CPNE6: variants seen among roughly 807,000 people sequenced by gnomAD.
CPNE6 encodes the protein copine 6.
A neutral mutation model predicts 71.5 loss-of-function variants in CPNE6; 33 were observed. That is an observed-to-expected ratio of 0.46 (90% CI 0.35 to 0.62). CPNE6 has a LOEUF of 0.62. CPNE6 is among the 20% of genes least tolerant of loss of function. The probability of loss-of-function intolerance (pLI) is 0.00; values close to 1 mark genes in which losing one functional copy is unlikely to be tolerated. For synonymous variants in CPNE6, 296 were observed against 293.0 expected (o/e 1.01, Z -0.10); for missense variants, 576 against 747.3 (o/e 0.77, Z 2.67).
Position 24,073,234 on chromosome 14 carries a change from G to C in CPNE6, c.168+130G>C, listed in dbSNP as rs1414898435. ...GCGGCGCCTTCTCGAGGCCGCTTGGGTACCCTGGAGATGGTGTCCCAGAGG... is the reference window on the plus strand; with the variant it reads ...GCGGCGCCTTCTCGAGGCCGCTTGGCTACCCTGGAGATGGTGTCCCAGAGG... On this transcript the variant is annotated intron_variant, in intron 3 of 17. Transcript: ENST00000397016. This position sits in a 1 kb window ranked among gnomAD's most constrained non-coding sequence, Gnocchi z 5.5. 1 of 1,085,606 alleles carries C rather than the reference G, an allele frequency of 9.2e-7. No homozygotes were observed. The highest frequency in any genetic ancestry group is 3.0e-5 in the East Asian group (1 of 33,742). 67.2% of individuals were successfully genotyped at this position (1,085,606 alleles called of 1,614,324 possible).
In CPNE6 at chr14:24,077,747, C is replaced by T. The variant is rs1474586204; in HGVS notation, c.*17C>T. 32 of 1,513,154 alleles carry T rather than the reference C, an allele frequency of 2.1e-5. No individual in the cohort carries two copies. The highest frequency in any genetic ancestry group is 1.8e-4 in the Middle Eastern group (1 of 5,552). 93.7% of individuals were successfully genotyped at this position (1,513,154 alleles called of 1,614,324 possible). On this transcript the variant is annotated 3_prime_UTR_variant, in exon 17 of 18. Transcript: ENST00000397016. The surrounding 1 kb of genome is among the most constrained non-coding windows in gnomAD (Gnocchi z 6.1). Reference sequence around the variant, plus strand: ...AGCCCGTGACTGCCTCCCTCCGGACCGACACTCCCTCAGCCTCTCAGTGAG... The same window carrying T: ...AGCCCGTGACTGCCTCCCTCCGGACTGACACTCCCTCAGCCTCTCAGTGAG...
chr14:24,073,773 G>A lies in CPNE6; in HGVS notation c.348+95G>A. The A allele has an allele frequency of 7.4e-7, 1 of 1,348,184 alleles. No individual in the cohort carries two copies. Among genetic ancestry groups the A allele is most frequent in the South Asian group, 1.4e-5 (1 of 70,962 alleles). The allele number at this position is 1,348,184 out of a possible 1,614,324, so 83.5% of individuals were successfully genotyped here. A position where few individuals can be genotyped will look rare whatever the true frequency, so the allele number is the denominator to read the frequency against. On this transcript the variant is annotated intron_variant, in intron 4 of 17. Coordinates refer to ENST00000397016, the Ensembl canonical transcript of CPNE6. The surrounding 1 kb of genome is among the most constrained non-coding windows in gnomAD (Gnocchi z 5.5). Reference sequence around the variant, plus strand: ...AGAGAAAACATGAGCTCTAGAGCTAGTTCAACCCAGCCTTGGCTCCCATCT... The same window carrying A: ...AGAGAAAACATGAGCTCTAGAGCTAATTCAACCCAGCCTTGGCTCCCATCT...
Position 24,073,794 on chromosome 14 carries a change from C to A in CPNE6, c.348+116C>A. 1.8e-6 allele frequency: 2 copies of A among 1,100,724 alleles called. No homozygotes were observed. Among genetic ancestry groups the A allele is most frequent in the East Asian group, 2.5e-5 (1 of 39,792 alleles). The allele number at this position is 1,100,724 out of a possible 1,614,324, so 68.2% of individuals were successfully genotyped here. ...GCTAGTTCAACCCAGCCTTGGCTCC[C>A]ATCTCTGCCATTCACTAGCTGTGCA... is the stretch of plus-strand genomic sequence containing the variant. On this transcript the variant is annotated intron_variant, in intron 4 of 17. Transcript: ENST00000397016. The surrounding 1 kb of genome is among the most constrained non-coding windows in gnomAD (Gnocchi z 5.5).
chr14:24,076,229 C>T, exon 12 of CPNE6: 1 of 1,614,226 alleles, frequency 6.2e-7, no homozygotes, highest in African/African-American at 1.3e-5. Context: ...GACAGCCCAA[C>T]CACTACCTGC....
rs1301034740 is a variant in CPNE6 at position 24,075,572 on chromosome 14, T to C, written c.845T>C (p.Val282Ala). 2 of 1,611,874 alleles carry C rather than the reference T, an allele frequency of 1.2e-6. No homozygotes were observed. The highest frequency in any genetic ancestry group is 2.2e-5 in the East Asian group (1 of 44,848). ...AAGAATTACAAGAGCTCAGGGACGGTAGTGCTGGCCCAGTGCACGGTAAAT... is the reference window on the plus strand; with the variant it reads ...AAGAATTACAAGAGCTCAGGGACGGCAGTGCTGGCCCAGTGCACGGTAAAT... The change falls in exon 10 of 18, where the codon GTA becomes GCA. Residue 282 changes from valine (V) to alanine (A), a missense_variant. Val to Ala is a moderately conservative substitution (Grantham distance 64). Around this residue, in one of 4 missense-constraint regions of CPNE6, gnomAD observed 214 missense variants for 291.2 expected, o/e 0.73. Coordinates refer to ENST00000397016, the Ensembl canonical transcript of CPNE6. The surrounding 1 kb of genome is among the most constrained non-coding windows in gnomAD (Gnocchi z 4.3).
intron 2 of CPNE6, chr14:24,072,714 G>C (rs2035938404): frequency 2.4e-6 from 1 of 413,030 alleles, no homozygotes; most frequent in African/African-American, 2.1e-5. Flanking sequence ...CGCATACCTA[G>C]GCCAGCAGCA....
Position 24,075,575 on chromosome 14 carries a change from T to C in CPNE6, c.848T>C (p.Val283Ala). Reference sequence around the variant, plus strand: ...AATTACAAGAGCTCAGGGACGGTAGTGCTGGCCCAGTGCACGGTAAATTTC... The same window carrying C: ...AATTACAAGAGCTCAGGGACGGTAGCGCTGGCCCAGTGCACGGTAAATTTC... Residue 283 changes from valine to alanine, a missense_variant, in exon 10 of 18, where the codon GTG (valine) becomes GCG (alanine). Coordinates refer to ENST00000397016, the Ensembl canonical transcript of CPNE6. This position sits in a 1 kb window ranked among gnomAD's most constrained non-coding sequence, Gnocchi z 4.3. 1 of 1,610,076 alleles carries C rather than the reference T, an allele frequency of 6.2e-7. No homozygotes were observed. The highest frequency in any genetic ancestry group is 8.5e-7 in the Non-Finnish European group (1 of 1,177,518).
rs778144831 is a variant in CPNE6 at position 24,075,126 on chromosome 14, G to A, written c.673-46G>A. 16 of 1,384,828 alleles carry A rather than the reference G, an allele frequency of 1.2e-5. No individual in the cohort carries two copies. The highest frequency in any genetic ancestry group is 4.6e-5 in the South Asian group (4 of 86,340). 85.8% of individuals were successfully genotyped at this position (1,384,828 alleles called of 1,614,324 possible). On this transcript the variant is annotated intron_variant, in intron 8 of 17. Transcript: ENST00000397016. This position sits in a 1 kb window ranked among gnomAD's most constrained non-coding sequence, Gnocchi z 4.3. ...AGTCCCCCTACTCACCGTGAATACC[G>A]CAGAGCATCTCCAACCTGACCCCAC... is the stretch of plus-strand genomic sequence containing the variant.
rs2036027515 is a variant in CPNE6, at chr14:24,075,383, A to G, written c.777+107A>G. 1 of 1,387,626 alleles carries G rather than the reference A, an allele frequency of 7.2e-7. No individual in the cohort carries two copies. The highest frequency in any genetic ancestry group is 1.0e-6 in the Non-Finnish European group (1 of 977,276). 86.0% of individuals were successfully genotyped at this position (1,387,626 alleles called of 1,614,324 possible). ...GTGATAGGAAGTGGAGAGGGTGGAA[A>G]GCACCTGGGCTCAGCTGAAGGACGG... On this transcript the variant is annotated intron_variant, in intron 9 of 17. Coordinates refer to ENST00000397016, the Ensembl canonical transcript of CPNE6. This position sits in a 1 kb window ranked among gnomAD's most constrained non-coding sequence, Gnocchi z 4.3.
chr14:24,075,960 T>C lies in CPNE6; in HGVS notation c.924+74T>C. The C allele has an allele frequency of 6.3e-7, 1 of 1,575,828 alleles. No individual in the cohort carries two copies. Among genetic ancestry groups the C allele is most frequent in the South Asian group, 1.1e-5 (1 of 89,746 alleles). On this transcript the variant is annotated intron_variant, in intron 11 of 17. Coordinates refer to ENST00000397016, the Ensembl canonical transcript of CPNE6. The surrounding 1 kb of genome is among the most constrained non-coding windows in gnomAD (Gnocchi z 4.3). Reference sequence around the variant, plus strand: ...CATAGTGAAAGGAAGGAGCCCAGAATCTCCACTGCCCCAACTTGGGCTGCT... The same window carrying C: ...CATAGTGAAAGGAAGGAGCCCAGAACCTCCACTGCCCCAACTTGGGCTGCT...
chr14:24,077,865 A>C lies in CPNE6; in HGVS notation c.*38-23A>C. 1.0e-6 allele frequency: 1 copy of C among 982,856 alleles called. No homozygotes were observed. Among genetic ancestry groups the C allele is most frequent in the Non-Finnish European group, 1.4e-6 (1 of 718,152 alleles). The allele number at this position is 982,856 out of a possible 1,614,324, so 60.9% of individuals were successfully genotyped here. ...GGGTGTAGTGTAGAAGAGAGTGCTT[A>C]TGACTCTCCCACCCCCTCCCAGGTG... On this transcript the variant is annotated intron_variant, in intron 17 of 17. Coordinates refer to ENST00000397016, the Ensembl canonical transcript of CPNE6. The surrounding 1 kb of genome is among the most constrained non-coding windows in gnomAD (Gnocchi z 6.1).
Position 24,077,903 on chromosome 14 carries a change from C to A in CPNE6, c.*53C>A. The A allele has an allele frequency of 1.6e-6, 1 of 631,366 alleles. No homozygotes were observed. The highest frequency in any genetic ancestry group is 2.4e-6 in the Non-Finnish European group (1 of 408,192). 39.1% of individuals were successfully genotyped at this position (631,366 alleles called of 1,614,324 possible). A position where few individuals can be genotyped will look rare whatever the true frequency, so the allele number is the denominator to read the frequency against. On this transcript the variant is annotated 3_prime_UTR_variant, in exon 18 of 18. Coordinates refer to ENST00000397016, the Ensembl canonical transcript of CPNE6. The surrounding 1 kb of genome is among the most constrained non-coding windows in gnomAD (Gnocchi z 6.1). ...CCCCTCCCAGGTGCCTGTCCTGACC[C>A]TCGTGACTCCAGTGACCAATGCCTC... is the stretch of plus-strand genomic sequence containing the variant.
At chr14:24,072,634 G>T in intron 2 of CPNE6, 2 of 273,714 alleles carry the variant, frequency 7.3e-6, no homozygotes, top group East Asian at 6.1e-5. Flanking sequence ...TAGATCAATC[G>T]ATGGCCTAGG....
At position 24,075,361 on chromosome 14, in the gene CPNE6, A is replaced by T; in HGVS notation, c.777+85A>T. The T allele has an allele frequency of 7.1e-7, 1 of 1,415,080 alleles. No homozygotes were observed. Among genetic ancestry groups the T allele is most frequent in the Non-Finnish European group, 1.0e-6 (1 of 999,628 alleles). 87.7% of individuals were successfully genotyped at this position (1,415,080 alleles called of 1,614,324 possible). On this transcript the variant is annotated intron_variant, in intron 9 of 17. Transcript: ENST00000397016. The surrounding 1 kb of genome is among the most constrained non-coding windows in gnomAD (Gnocchi z 4.3). ...GATGCTGAAGAGACCACCATAGGTG[A>T]TAGGAAGTGGAGAGGGTGGAAAGCA...
In CPNE6 at chr14:24,073,257, A is replaced by G; in HGVS notation, c.168+153A>G. The G allele has an allele frequency of 1.1e-6, 1 of 928,266 alleles. No individual in the cohort carries two copies. Among genetic ancestry groups the G allele is most frequent in the South Asian group, 2.2e-5 (1 of 46,154 alleles). 57.5% of individuals were successfully genotyped at this position (928,266 alleles called of 1,614,324 possible). On this transcript the variant is annotated intron_variant, in intron 3 of 17. Coordinates refer to ENST00000397016, the Ensembl canonical transcript of CPNE6. The surrounding 1 kb of genome is among the most constrained non-coding windows in gnomAD (Gnocchi z 5.5). ...GGGTACCCTGGAGATGGTGTCCCAG[A>G]GGGTCCTGAGATTGACCCAGAGGCA...
In CPNE6 at chr14:24,076,235, C is replaced by A. The variant is rs1448634449; in HGVS notation, c.1011C>A (p.Tyr337Ter). Residue 337 changes from tyrosine (Y) to a stop codon, truncating the protein, a stop_gained, in exon 12 of 18, where the codon TAC becomes TAA. Transcript: ENST00000397016. LOFTEE classifies it high-confidence loss of function. ...TCAGTCCCCGACAGCCCAACCACTA[C>A]CTGCAGGCCCTGCGTGCAGTGGGAG... is the stretch of plus-strand genomic sequence containing the variant. 6.2e-7 allele frequency: 1 copy of A among 1,614,124 alleles called. No homozygotes were observed. Among genetic ancestry groups the A allele is most frequent in the Non-Finnish European group, 8.5e-7 (1 of 1,180,046 alleles).
chr14:24,075,955 C>A lies in CPNE6; in HGVS notation c.924+69C>A. On this transcript the variant is annotated intron_variant, in intron 11 of 17. Coordinates refer to ENST00000397016, the Ensembl canonical transcript of CPNE6. This position sits in a 1 kb window ranked among gnomAD's most constrained non-coding sequence, Gnocchi z 4.3. ...GAGTCCATAGTGAAAGGAAGGAGCC[C>A]AGAATCTCCACTGCCCCAACTTGGG... 6.3e-7 allele frequency: 1 copy of A among 1,581,976 alleles called. No individual in the cohort carries two copies. The highest frequency in any genetic ancestry group is 1.1e-5 in the South Asian group (1 of 89,902).
In CPNE6 at chr14:24,076,313, C is replaced by T. The variant is rs752599463; in HGVS notation, c.1058+31C>T. ...AGAGAGTGGGGCGGGAGGGAACAGG[C>T]AGGGAGGCCTTGCCCAACGGATTCC... On this transcript the variant is annotated intron_variant, in intron 12 of 17. Transcript: ENST00000397016. 1.7e-5 allele frequency: 27 copies of T among 1,614,216 alleles called. No homozygotes were observed. The East Asian group carries it at 5.6e-4, about 33-fold the overall frequency.
intron 14 of CPNE6, 43 bp downstream of exon 13, chr14:24,076,600 C>T (rs2036073695): frequency 6.8e-6 from 11 of 1,610,576 alleles, no homozygotes; most frequent in Non-Finnish European, 9.3e-6. Context: ...CCCGCAGACA[C>T]ACTCCACACA....
Sources: allele counts gnomAD v4.1 joint callset, GRCh38; gene constraint gnomAD v4.1.1; regional missense constraint gnomAD v4.1.1; non-coding constraint Gnocchi (gnomAD v3.1); transcripts MANE v1.5; gene names NCBI Gene and HGNC (gene_info 2026-07-23, HGNC 2026-07-21).